The following NPAS3 variants were observed in gnomAD, a reference collection of about 807,000 sequenced individuals.
NPAS3 encodes neuronal PAS domain-containing protein 3.
NPAS3 carries 14 observed loss-of-function variants against 73.1 expected under a neutral mutation model. The observed-to-expected ratio is 0.19, with a 90% CI of 0.13 to 0.30. NPAS3 has a LOEUF of 0.30. Among genes scored for constraint, NPAS3 ranks in the 10% least tolerant of loss-of-function variants. NPAS3 has a pLI of 1.00. For synonymous variants in NPAS3, 620 were observed against 541.5 expected (o/e 1.14, Z -2.01); for missense variants, 1,096 against 1,250.0 (o/e 0.88, Z 1.86).
At chr14:33,797,129 G>A (rs1336758570) in intron 10 of NPAS3, among the ~76,000 whole-genome samples, 2 of 152,194 alleles carry the variant, frequency 1.3e-5, no homozygotes, top group Admixed American at 1.3e-4. Flanking sequence ...GAATTGTTGA[G>A]AGTACTTCTC....
At chr14:32,993,881 A>G (rs2038444658) in intron 1 of NPAS3, among the ~76,000 whole-genome samples, 1 of 152,274 alleles carries the variant, frequency 6.6e-6, no homozygotes, top group East Asian at 1.9e-4. Flanking sequence ...AAATGGTAGC[A>G]TGAAAATCTT....
intron 5 of NPAS3, among the ~76,000 whole-genome samples, chr14:33,652,417 A>G (rs1317537241): frequency 6.6e-6 from 1 of 152,174 alleles, no homozygotes; most frequent in Non-Finnish European, 1.5e-5. Flanking sequence ...AGCACAGATG[A>G]CCTTCTAATT....
chr14:32,948,087 A>C (rs1038850279), intron 1 of NPAS3, among the ~76,000 whole-genome samples: 1 of 152,132 alleles, frequency 6.6e-6, no homozygotes, highest in Non-Finnish European at 1.5e-5. Context: ...GTCTGTTCAT[A>C]AGAATCTCAG....
intron 7 of NPAS3, among the ~76,000 whole-genome samples, chr14:33,748,398 A>C (rs1202148243): frequency 6.6e-6 from 1 of 152,202 alleles, no homozygotes; most frequent in Non-Finnish European, 1.5e-5. Context: ...TTAAAAATCA[A>C]CGTGTATTTA....
chr14:33,425,828 G>A (rs2048532911), intron 4 of NPAS3, among the ~76,000 whole-genome samples: 1 of 151,992 alleles, frequency 6.6e-6, no homozygotes, highest in Non-Finnish European at 1.5e-5. Flanking sequence ...TACATCAGGG[G>A]TAATGAACCT....
chr14:33,567,643 C>T (rs990603449), intron 5 of NPAS3, among the ~76,000 whole-genome samples: 22 of 152,318 alleles, frequency 1.4e-4, no homozygotes, highest in African/African-American at 5.3e-4. Flanking sequence ...CATTAGAAAT[C>T]GGTAGAATAA....
chr14:33,356,737 A>G (rs1031250255), intron 3 of NPAS3, among the ~76,000 whole-genome samples: 1 of 152,218 alleles, frequency 6.6e-6, no homozygotes. Flanking sequence ...TTGTAATTGC[A>G]TATGCAAAAT....
intron 3 of NPAS3, among the ~76,000 whole-genome samples, chr14:33,331,831 C>T (rs549650054): frequency 2.6e-5 from 4 of 152,290 alleles, no homozygotes; most frequent in Non-Finnish European, 5.9e-5. Flanking sequence ...AATATTCTTA[C>T]GTAAGGCCCA....
chr14:33,028,348 T>C (rs1445947982), intron 1 of NPAS3, among the ~76,000 whole-genome samples: 1 of 152,244 alleles, frequency 6.6e-6, no homozygotes, highest in Non-Finnish European at 1.5e-5. Flanking sequence ...ACCCCAGCTA[T>C]TCCCTATTTT....
At chr14:33,578,092 C>T (rs1003495475) in intron 5 of NPAS3, 11 of 451,838 alleles carry the variant, frequency 2.4e-5, no homozygotes, top group Middle Eastern at 6.6e-4. Context: ...TTCTAAAGGC[C>T]GTTACTGCTC....
intron 2 of NPAS3, among the ~76,000 whole-genome samples, chr14:33,083,787 T>C (rs577403825): frequency 6.6e-6 from 1 of 152,260 alleles, no homozygotes; most frequent in African/African-American, 2.4e-5. Flanking sequence ...TGTGAGAAGG[T>C]ACCACTGGGA....
chr14:33,731,975 T>C (rs888777553), intron 6 of NPAS3, among the ~76,000 whole-genome samples: 18 of 152,172 alleles, frequency 1.2e-4, no homozygotes, highest in Non-Finnish European at 1.5e-5. Flanking sequence ...GCTTTACCCG[T>C]AGATTTTTCC....
chr14:33,042,218 A>G (rs573469321), intron 1 of NPAS3, among the ~76,000 whole-genome samples: 4 of 152,210 alleles, frequency 2.6e-5, no homozygotes, highest in African/African-American at 7.2e-5. Flanking sequence ...CTGTTTTACT[A>G]AGGCTTCCTC....
chr14:33,270,269 C>A (rs774387926), intron 3 of NPAS3, among the ~76,000 whole-genome samples: 16 of 152,056 alleles, frequency 1.1e-4, no homozygotes, highest in South Asian at 2.1e-4. Context: ...CAATTGGCAG[C>A]CACACTTTCA....
At chr14:32,937,514 A>G (rs2035735193), upstream of NPAS3, among the ~76,000 whole-genome samples, 1 of 151,942 alleles carries the variant, frequency 6.6e-6, no homozygotes, top group Admixed American at 6.6e-5. Context: ...CTTGTCCATA[A>G]CACTCTCCAC....
At chr14:33,284,294 A>G (rs945943251) in intron 3 of NPAS3, among the ~76,000 whole-genome samples, 12 of 152,000 alleles carry the variant, frequency 7.9e-5, no homozygotes, top group African/African-American at 2.9e-4. Flanking sequence ...TAGATGACAT[A>G]AGAGCTATTG....
intron 1 of NPAS3, among the ~76,000 whole-genome samples, chr14:32,968,772 C>CT (rs144725905): frequency 0.16 from 22,991 of 145,790 alleles, 1,882 homozygotes; most frequent in African/African-American, 0.22. Context: ...TACTTTCTTT[C>CT]TTTTTTTTTT....
intron 5 of NPAS3, among the ~76,000 whole-genome samples, chr14:33,618,583 C>T (rs1254895253): frequency 6.6e-6 from 1 of 152,172 alleles, no homozygotes; most frequent in Non-Finnish European, 1.5e-5. Context: ...CGCTGGCTCA[C>T]CTGCTGCTCA....
chr14:33,173,338 ATATGTT>A (rs2045466061), intron 2 of NPAS3, among the ~76,000 whole-genome samples: 1 of 152,220 alleles, frequency 6.6e-6, no homozygotes, highest in Non-Finnish European at 1.5e-5. Context: ...AATGTATGCC[ATATGTT>A]TGAAACATTT....
Sources: gnomAD v4.1 joint callset for allele counts (sites outside exome capture counted in the v4.1 genomes callset) on GRCh38, gnomAD v4.1.1 for gene constraint, MANE v1.5 for transcripts, NCBI Gene and HGNC (gene_info 2026-07-23, HGNC 2026-07-21) for gene names.